The following NPHS1 variants were observed in gnomAD, a reference collection of about 807,000 sequenced individuals.
The protein encoded by NPHS1 is NPHS1 adhesion molecule, nephrin.
A neutral mutation model predicts 139.7 loss-of-function variants in NPHS1; 107 were observed. The ratio of observed to expected loss-of-function variants is 0.77; its 90% CI spans 0.66 to 0.90. The LOEUF (loss-of-function observed/expected upper bound fraction) is 0.90. Among genes scored for constraint, NPHS1 ranks in the 40% least tolerant of loss-of-function variants. NPHS1 has a pLI of 0.00. For missense variants in NPHS1, 1,580 were observed against 1,654.2 expected (o/e 0.96, Z 0.78); for synonymous variants, 707 against 706.6 (o/e 1.00, Z -0.01).
Position 35,830,863 on chromosome 19 carries a change from AG to A in NPHS1, c.3574del (p.Leu1192SerfsTer45), listed in dbSNP as rs1568448873. On this transcript the variant is annotated frameshift_variant, in exon 28 of 29. Transcript: ENST00000378910. LOFTEE classifies it high-confidence loss of function. ...TCTCACCATCTGCACTTCATCGTAG[AG>A]GGGTCCCCAGGCTCCAGACGGGGGG... ...TYPPSGAWGP[L>X]YDEVQMGPWD... 6.2e-7 allele frequency: 1 copy of A among 1,610,418 alleles called. No individual in the cohort carries two copies. Among genetic ancestry groups the A allele is most frequent in the Non-Finnish European group, 8.5e-7 (1 of 1,176,582 alleles).
At chr19:35,828,776 C>A (rs1701499684) in intron 28 of NPHS1, among the ~76,000 whole-genome samples, 1 of 152,220 alleles carries the variant, frequency 6.6e-6, no homozygotes. Context: ...TCCCACACAG[C>A]CCAAAGCATT....
intron 28 of NPHS1, among the ~76,000 whole-genome samples, chr19:35,828,791 A>G (rs111335563): frequency 6.6e-6 from 1 of 152,312 alleles, no homozygotes; most frequent in African/African-American, 2.4e-5. Flanking sequence ...AGCATTTACT[A>G]CTATCCGGCC....
At chr19:35,829,957 A>G (rs1003070520) in intron 28 of NPHS1, among the ~76,000 whole-genome samples, 27 of 152,050 alleles carry the variant, frequency 1.8e-4, no homozygotes, top group African/African-American at 6.3e-4. Context: ...AGCCGTGACC[A>G]TGCCTAGCCA....
intron 23 of NPHS1, 44 bp from the exon 24 acceptor site, chr19:35,831,806 T>A (rs1340047172): frequency 1.3e-6 from 2 of 1,546,616 alleles, no homozygotes; most frequent in Non-Finnish European, 1.7e-6. Context: ...GACAACAGGC[T>A]GTAGGCCAGG....
rs768921959 is a variant in NPHS1, at chr19:35,842,533, G to A, written c.2352C>T (p.Asp784=). 2 of 1,614,030 alleles carry A rather than the reference G, an allele frequency of 1.2e-6. No homozygotes were observed. The highest frequency in any genetic ancestry group is 1.1e-5 in the South Asian group (1 of 91,084). Residue 784 remains aspartate, a synonymous_variant, in exon 18 of 29, where the codon GAC becomes GAT. Transcript: ENST00000378910. ...NWERLGEDEE[D]QSLDDMEKIS... ...TCTTCTCCATGTCATCCAGGCTCTG[G>A]TCCTCCTCATCTTCTCCCTGGAGGC... is the stretch of plus-strand genomic sequence containing the variant.
intron 6 of NPHS1, 91 bp downstream of exon 6, chr19:35,849,459 C>T: frequency 6.3e-7 from 1 of 1,596,536 alleles, no homozygotes; most frequent in South Asian, 1.1e-5. Flanking sequence ...TCTCTGAGTG[C>T]CTGAATTTCC....
chr19:35,836,260 T>C (rs1292989944), intron 22 of NPHS1, among the ~76,000 whole-genome samples: 1 of 119,234 alleles, frequency 8.4e-6, no homozygotes, highest in African/African-American at 4.6e-5. Flanking sequence ...CGCCTGGCCA[T>C]TTTTTTTTTT....
chr19:35,827,117 AG>A (rs1733058259), intron 28 of NPHS1, among the ~76,000 whole-genome samples: 1 of 151,892 alleles, frequency 6.6e-6, no homozygotes, highest in South Asian at 2.1e-4. Flanking sequence ...CTGGGACTAC[AG>A]GCATGCATCA....
At chr19:35,841,577 A>T in intron 20 of NPHS1, 138 bp downstream of exon 20, 1 of 939,908 alleles carries the variant, frequency 1.1e-6, no homozygotes, top group Non-Finnish European at 1.7e-6. Flanking sequence ...TAGGATTTTC[A>T]GGGCAGGCAA....
intron 22 of NPHS1, among the ~76,000 whole-genome samples, chr19:35,836,505 G>A (rs1972963970): frequency 6.6e-6 from 1 of 152,080 alleles, no homozygotes; most frequent in Non-Finnish European, 1.5e-5. Context: ...AACCAAAAAA[G>A]ACTTTGGGCT....
chr19:35,848,766 T>C lies in NPHS1; in HGVS notation c.1041A>G (p.Gly347=). 1.2e-6 allele frequency: 2 copies of C among 1,614,068 alleles called. No individual in the cohort carries two copies. Among genetic ancestry groups the C allele is most frequent in the Non-Finnish European group, 1.7e-6 (2 of 1,180,008 alleles). Residue 347 remains glycine, a synonymous_variant, in exon 9 of 29, where the codon GGA becomes GGG. Transcript: ENST00000378910. ...TCTTGTTCTCAGTCTGGGATGCAGATCCCAAGATAATAATGGCACTAGGGG... is the reference window on the plus strand; with the variant it reads ...TCTTGTTCTCAGTCTGGGATGCAGACCCCAAGATAATAATGGCACTAGGGG... The part of the protein sequence containing the change: ...TFPPSAIIIL[G]SASQTENKNV...
At chr19:35,839,461 C>T in intron 21 of NPHS1, 35 bp downstream of exon 21, 1 of 1,613,134 alleles carries the variant, frequency 6.2e-7, no homozygotes, top group Non-Finnish European at 8.5e-7. Flanking sequence ...GTGCCCTAGC[C>T]CATTCCCTTC....
chr19:35,848,199 T>C, intron 10 of NPHS1, 34 bp from the exon 11 acceptor site: 1 of 1,614,130 alleles, frequency 6.2e-7, no homozygotes, highest in Non-Finnish European at 8.5e-7. Flanking sequence ...TGACTTTTTC[T>C]CTGTGCTGGG....
rs139954720 is a variant in NPHS1, at chr19:35,852,304, G to GTCTCTCTCTC, written c.-477_-468dup. ...TGTCTCTGTCTCTTCCTCTCTCTCT[G>GTCTCTCTCTC]TCTCTCTCTCTCTCTCTCTCTCAAT... On this transcript the variant is annotated 5_prime_UTR_variant, in exon 1 of 29. Transcript: ENST00000378910. 6.9e-6 allele frequency among the ~76,000 whole-genome samples: 1 copy of GTCTCTCTCTC among 145,092 alleles called. No individual in the cohort carries two copies.
intron 11 of NPHS1, among the ~76,000 whole-genome samples, chr19:35,846,964 C>T (rs1159595679): frequency 6.6e-6 from 1 of 152,166 alleles, no homozygotes; most frequent in East Asian, 1.9e-4. Context: ...TTCTTGCCTC[C>T]AAATCCCAAG....
rs386833868 is a variant in NPHS1, at chr19:35,848,681, G to C, written c.1126C>G (p.Leu376Val). 1.9e-6 allele frequency: 3 copies of C among 1,614,074 alleles called. No individual in the cohort carries two copies. Among genetic ancestry groups the C allele is most frequent in the Non-Finnish European group, 2.5e-6 (3 of 1,180,046 alleles). The change falls in exon 9 of 29, where the codon CTG becomes GTG. Residue 376 changes from leucine (L) to valine (V), a missense_variant. Leu to Val is a conservative substitution (Grantham distance 32). Transcript: ENST00000378910. ...SRPRVLLRWW[L>V]GWRQLLPMEE... is the part of the protein sequence containing the mutation. Reference sequence around the variant, plus strand: ...ATGGGCAGCAGCTGCCGCCAGCCCAGCCACCATCGTAGCAGAACCCGCGGG... The same window carrying C: ...ATGGGCAGCAGCTGCCGCCAGCCCACCCACCATCGTAGCAGAACCCGCGGG...
In NPHS1 at chr19:35,848,068, G is replaced by A; in HGVS notation, c.1413C>T (p.Asn471=). Residue 471 remains asparagine, a synonymous_variant, in exon 11 of 29, where the codon AAC becomes AAT. Coordinates refer to ENST00000378910, the MANE Select transcript of NPHS1 (RefSeq NM_004646.4). ...VRLVCLAIGG[N]PEPSLMWYKD... ...TGTACCACATGAGGGAGGGCTCTGG[G>A]TTGCCCCCGATAGCCAAACACACCA... 1.9e-6 allele frequency: 3 copies of A among 1,613,930 alleles called. No homozygotes were observed. Among genetic ancestry groups the A allele is most frequent in the Non-Finnish European group, 2.5e-6 (3 of 1,180,034 alleles).
At chr19:35,850,338 T>G in intron 5 of NPHS1, 26 bp downstream of exon 5, 1 of 1,594,482 alleles carries the variant, frequency 6.3e-7, no homozygotes, top group Non-Finnish European at 8.6e-7. Context: ...GGGGTCAAGG[T>G]TGGGGGGTTG....
At chr19:35,851,726 A>G in intron 1 of NPHS1, 54 bp from the exon 2 acceptor site, 1 of 1,569,936 alleles carries the variant, frequency 6.4e-7, no homozygotes, top group Non-Finnish European at 8.6e-7. Flanking sequence ...TAGGGAAGGT[A>G]AGTGGGAAAT....
Sources: allele counts gnomAD v4.1 joint callset (sites outside exome capture counted in the v4.1 genomes callset), GRCh38; gene constraint gnomAD v4.1.1; transcripts MANE v1.5; gene names NCBI Gene and HGNC (gene_info 2026-07-23, HGNC 2026-07-21).